C1QTNF9B: variants seen among roughly 807,000 people sequenced by gnomAD.
C1QTNF9B encodes the protein complement C1q and tumor necrosis factor-related protein 9B.
A neutral mutation model predicts 10.1 loss-of-function variants in C1QTNF9B; 9 were observed. The observed-to-expected ratio is 0.89, with a 90% CI of 0.53 to 1.55. The LOEUF (loss-of-function observed/expected upper bound fraction) is 1.55, where lower values mean the gene tolerates loss of function less well. Ranked by LOEUF, C1QTNF9B falls within the 40% of genes most tolerant of loss-of-function variation. The pLI, the probability that C1QTNF9B is intolerant of heterozygous loss-of-function variation, is 0.00. For missense variants in C1QTNF9B, 196 were observed against 414.4 expected, an observed-to-expected ratio of 0.47 and a Z score of 4.58; for synonymous variants, 79 against 159.9, an observed-to-expected ratio of 0.49 and a Z score of 3.82.
At chr13:23,894,974 G>A (rs988467875) in intron 1 of C1QTNF9B, among the ~76,000 whole-genome samples, 1 of 152,238 alleles carries the variant, frequency 6.6e-6, no homozygotes, top group Non-Finnish European at 1.5e-5. Context: ...TGACGTGGCT[G>A]TGGGGCGACA....
At position 23,894,037 on chromosome 13, in the gene C1QTNF9B, C is replaced by T. The variant is rs1199868686; in HGVS notation, c.229+102G>A. On this transcript the variant is annotated intron_variant, in intron 2 of 2. Transcript: ENST00000382137. ...ATCTGGAGAGTAAGAACTGTGTTGC[C>T]TTTATTATAAGATTATAATCAGCAT... is the stretch of plus-strand genomic sequence containing the variant. 1.4e-5 allele frequency: 20 copies of T among 1,396,774 alleles called. No homozygotes were observed. The African/African-American group carries it at 2.0e-4, about 14-fold the overall frequency. The allele number at this position is 1,396,774 out of a possible 1,614,324, so 86.5% of individuals were successfully genotyped here.
chr13:23,897,099 T>C, upstream of C1QTNF9B: 2 of 1,466,098 alleles, frequency 1.4e-6, no homozygotes, highest in South Asian at 2.6e-5. Flanking sequence ...ATGGATGAGC[T>C]GTCCCCTGCC....
At chr13:23,895,759 A>ACACACACG (rs1377501685) in intron 1 of C1QTNF9B, among the ~76,000 whole-genome samples, 8 of 145,438 alleles carry the variant, frequency 5.5e-5, no homozygotes, top group Non-Finnish European at 9.1e-5. Flanking sequence ...ACAGACATAC[A>ACACACACG]CACACACACA....
intron 1 of C1QTNF9B, among the ~76,000 whole-genome samples, chr13:23,895,990 A>G (rs962637141): frequency 5.9e-5 from 9 of 152,232 alleles, no homozygotes; most frequent in African/African-American, 2.2e-4. Context: ...CCTTGGCTTC[A>G]TCCAGCCCAT....
chr13:23,895,756 T>TACACACAC (rs71185099), intron 1 of C1QTNF9B, among the ~76,000 whole-genome samples: 5,400 of 146,642 alleles, frequency 0.037, 114 homozygotes, highest in Non-Finnish European at 0.055. Flanking sequence ...GACACAGACA[T>TACACACAC]ACACACACAC....
chr13:23,892,256 C>T lies in C1QTNF9B; in HGVS notation c.230-195G>A, dbSNP rs112944203. Among the ~76,000 whole-genome samples the T allele has an allele frequency of 1.9e-3, 286 of 152,170 alleles. 1 individual carries two copies. The highest frequency in any genetic ancestry group is 6.4e-3 in the African/African-American group (266 of 41,506). ...GTAATCCTAGCACCTTGGGAGACCG[C>T]GGCAGGAGGACTGCCTGAGGCCAAG... On this transcript the variant is annotated intron_variant, in intron 2 of 2. Transcript: ENST00000382137.
intron 1 of C1QTNF9B, among the ~76,000 whole-genome samples, chr13:23,895,450 T>C (rs1034115507): frequency 6.6e-6 from 1 of 152,176 alleles, no homozygotes; most frequent in African/African-American, 2.4e-5. Flanking sequence ...AGCAATGTGA[T>C]TGAATGTCCT....
At chr13:23,895,446 G>A (rs1872161693) in intron 1 of C1QTNF9B, among the ~76,000 whole-genome samples, 1 of 152,160 alleles carries the variant, frequency 6.6e-6, no homozygotes, top group Admixed American at 6.5e-5. Context: ...TGTGAGCAAT[G>A]TGATTGAATG....
chr13:23,896,640 G>C (rs1341669740), intron 1 of C1QTNF9B, among the ~76,000 whole-genome samples, 181 bp downstream of exon 3: 1 of 152,164 alleles, frequency 6.6e-6, no homozygotes, highest in Non-Finnish European at 1.5e-5. Flanking sequence ...AGCAGACCCC[G>C]TGAGTGTTGC....
At chr13:23,897,195 G>A (rs973750468), upstream of C1QTNF9B, 10 of 596,596 alleles carry the variant, frequency 1.7e-5, no homozygotes, top group South Asian at 2.8e-5. Flanking sequence ...GTCCTTGGAA[G>A]GTAACACTTG....
intron 1 of C1QTNF9B, among the ~76,000 whole-genome samples, chr13:23,894,965 G>C (rs1395446928): frequency 6.6e-6 from 1 of 152,228 alleles, no homozygotes; most frequent in Non-Finnish European, 1.5e-5. Flanking sequence ...CAGACCCACT[G>C]ACGTGGCTGT....
chr13:23,891,419 A>G (rs1274713256), exon 3 of C1QTNF9B: 2 of 1,581,954 alleles, frequency 1.3e-6, no homozygotes, highest in South Asian at 1.1e-5. Flanking sequence ...CTGCAGGACA[A>G]TGCTGCCAGA....
intron 1 of C1QTNF9B, among the ~76,000 whole-genome samples, chr13:23,895,383 A>G (rs890742688): frequency 6.6e-6 from 1 of 152,188 alleles, no homozygotes; most frequent in African/African-American, 2.4e-5. Context: ...GGTATAAAAC[A>G]TACACAAAAA....
intron 1 of C1QTNF9B, among the ~76,000 whole-genome samples, chr13:23,895,681 GTAATA>G (rs894267334): frequency 3.3e-5 from 5 of 151,786 alleles, no homozygotes; most frequent in African/African-American, 7.3e-5. Flanking sequence ...CCTTTTATGT[GTAATA>G]TTTTATAACA....
chr13:23,896,326 T>C (rs1272313822), intron 1 of C1QTNF9B, among the ~76,000 whole-genome samples: 2 of 152,202 alleles, frequency 1.3e-5, no homozygotes, highest in African/African-American at 4.8e-5. Context: ...CATAGATTCA[T>C]AAGCAGCAGC....
chr13:23,894,458 G>A (rs1232092925), intron 1 of C1QTNF9B: 86 of 643,212 alleles, frequency 1.3e-4, no homozygotes, highest in Non-Finnish European at 2.2e-4. Flanking sequence ...TGCCTAGAGC[G>A]CACAGCAAGA....
rs184736262 is a variant in C1QTNF9B, at chr13:23,891,435, G to T, written c.856C>A (p.Gln286Lys). The T allele has an allele frequency of 2.6e-4, 411 of 1,581,918 alleles. 39 individuals are homozygous for T. Among genetic ancestry groups the T allele is most frequent in the Admixed American group, 8.7e-4 (52 of 59,452 alleles). ...TGCAGGACAATGCTGCCAGAGGCCT[G>T]GTCCTCAGAGCTCACGTAAGCATCT... Residue 286 changes from glutamine (Q) to lysine (K), a missense_variant, in exon 3 of 3, where the codon CAG becomes AAG. This residue lies in a region of C1QTNF9B where 72 missense variants were observed against 87.1 expected (regional missense o/e 0.83). Coordinates refer to ENST00000382137, the Ensembl canonical transcript of C1QTNF9B.
rs149889441 is a variant in C1QTNF9B at position 23,894,986 on chromosome 13, G to A, written c.167-785C>T. Among the ~76,000 whole-genome samples, 1,387 of 152,316 alleles carry A rather than the reference G, an allele frequency of 9.1e-3. 17 individuals carry two copies. Among genetic ancestry groups the A allele is most frequent in the African/African-American group, 0.031 (1,305 of 41,560 alleles). On this transcript the variant is annotated intron_variant, in intron 1 of 2. Coordinates refer to ENST00000382137, the Ensembl canonical transcript of C1QTNF9B. ...CACTGACGTGGCTGTGGGGCGACAGGCGCAGGCTGGGCCGGCTTGCAGGTC... is the reference window on the plus strand; with the variant it reads ...CACTGACGTGGCTGTGGGGCGACAGACGCAGGCTGGGCCGGCTTGCAGGTC...
At chr13:23,896,218 T>C (rs1872194205) in intron 1 of C1QTNF9B, among the ~76,000 whole-genome samples, 1 of 152,118 alleles carries the variant, frequency 6.6e-6, no homozygotes, top group African/African-American at 2.4e-5. Context: ...CCAAGTCTAT[T>C]GGTTGTTGTT....
Sources: gnomAD v4.1 joint callset for allele counts (sites outside exome capture counted in the v4.1 genomes callset) on GRCh38, gnomAD v4.1.1 for gene constraint, gnomAD v4.1.1 regional missense constraint, MANE v1.5 for transcripts, NCBI Gene and HGNC (gene_info 2026-07-23, HGNC 2026-07-21) for gene names.